EPB41L4A: variants seen among roughly 807,000 people sequenced by gnomAD.
EPB41L4A encodes the protein erythrocyte membrane protein band 4.1 like 4A.
Under a neutral mutation model 108.6 loss-of-function variants are expected in EPB41L4A, and 100 were observed. The observed-to-expected ratio is 0.92, with a 90% CI of 0.78 to 1.09. The LOEUF (loss-of-function observed/expected upper bound fraction) is 1.09. EPB41L4A is among the 50% of genes least tolerant of loss of function. The pLI, the probability that EPB41L4A is intolerant of heterozygous loss-of-function variation, is 0.00. For missense variants in EPB41L4A, 1,030 were observed against 842.7 expected, an observed-to-expected ratio of 1.22 and a Z score of -2.75; for synonymous variants, 319 against 289.0, an observed-to-expected ratio of 1.10 and a Z score of -1.05.
intron 3 of EPB41L4A, among the ~76,000 whole-genome samples, chr5:112,278,834 C>G (rs1183343696): frequency 2.0e-5 from 3 of 150,192 alleles, no homozygotes; most frequent in South Asian, 4.2e-4. Flanking sequence ...GTGGGTGGAT[C>G]ACCTGAGGTC....
At chr5:112,236,524 T>A (rs184430733) in intron 11 of EPB41L4A, among the ~76,000 whole-genome samples, 8 of 152,356 alleles carry the variant, frequency 5.3e-5, no homozygotes, top group Admixed American at 4.6e-4. Context: ...TTATATAGCA[T>A]CCTATTTCCT....
chr5:112,325,743 A>AC (rs1343565267), intron 1 of EPB41L4A, among the ~76,000 whole-genome samples: 1 of 152,178 alleles, frequency 6.6e-6, no homozygotes, highest in Non-Finnish European at 1.5e-5. Flanking sequence ...CCTACTTGCA[A>AC]CCTCGGCAGG....
intron 4 of EPB41L4A, among the ~76,000 whole-genome samples, chr5:112,273,544 G>C (rs968917044): frequency 1.3e-5 from 2 of 152,180 alleles, no homozygotes; most frequent in Admixed American, 6.5e-5. Context: ...AAAAAGGATA[G>C]AATGAAATAA....
At position 112,208,492 on chromosome 5, in the gene EPB41L4A, T is replaced by C. The variant is rs1054266682; in HGVS notation, c.1178+1400A>G. Among the ~76,000 whole-genome samples, 7 of 152,170 alleles carry C rather than the reference T, an allele frequency of 4.6e-5. No individual in the cohort carries two copies. The South Asian group carries it at 1.2e-3, about 27-fold the overall frequency. Reference sequence around the variant, plus strand: ...AACACAGAAACAGAAAACTAGATACTGCATGTTCTCACTTATAAGTGGGAA... The same window carrying C: ...AACACAGAAACAGAAAACTAGATACCGCATGTTCTCACTTATAAGTGGGAA... On this transcript the variant is annotated intron_variant, in intron 13 of 22. Transcript: ENST00000261486.
intron 1 of EPB41L4A, among the ~76,000 whole-genome samples, chr5:112,415,355 T>G (rs967258641): frequency 6.6e-6 from 1 of 152,238 alleles, no homozygotes; most frequent in South Asian, 2.1e-4. Context: ...GGTAATGGAA[T>G]TTTCATCTTA....
At chr5:112,396,343 T>C (rs563029916) in intron 1 of EPB41L4A, among the ~76,000 whole-genome samples, 1 of 152,368 alleles carries the variant, frequency 6.6e-6, no homozygotes, top group East Asian at 1.9e-4. Flanking sequence ...TCCAGATACA[T>C]ACTCAGTTTT....
chr5:112,263,517 A>T (rs1356581013), intron 6 of EPB41L4A: 9 of 152,348 alleles, frequency 5.9e-5, no homozygotes, highest in Non-Finnish European at 1.2e-4. Flanking sequence ...AAGCTCCTTG[A>T]TAATTTCAAT....
intron 13 of EPB41L4A, among the ~76,000 whole-genome samples, chr5:112,209,460 C>G (rs893857056): frequency 1.3e-5 from 2 of 152,200 alleles, no homozygotes; most frequent in South Asian, 4.1e-4. Flanking sequence ...TTCTGAGGAT[C>G]TGATGCCTCT....
intron 1 of EPB41L4A, among the ~76,000 whole-genome samples, chr5:112,307,942 G>A (rs1009812407): frequency 6.6e-6 from 1 of 152,074 alleles, no homozygotes; most frequent in Admixed American, 6.6e-5. Flanking sequence ...AATAGTCAAA[G>A]CTTTTATCTT....
At chr5:112,253,872 T>C (rs1191514365) in intron 9 of EPB41L4A, among the ~76,000 whole-genome samples, 4 of 152,332 alleles carry the variant, frequency 2.6e-5, no homozygotes, top group African/African-American at 9.6e-5. Flanking sequence ...TAAAAATCTA[T>C]ATTACCATGT....
intron 1 of EPB41L4A, among the ~76,000 whole-genome samples, chr5:112,328,465 T>C (rs1382816624): frequency 6.6e-6 from 1 of 152,204 alleles, no homozygotes; most frequent in Non-Finnish European, 1.5e-5. Context: ...TGGTTATATC[T>C]AAACTCATTT....
intron 6 of EPB41L4A, chr5:112,263,404 G>A (rs1402975113): frequency 6.6e-6 from 1 of 152,164 alleles, no homozygotes; most frequent in African/African-American, 2.4e-5. Context: ...CATGAAGAAT[G>A]TTCATCAAAT....
chr5:112,380,993 G>C (rs1760142468), intron 1 of EPB41L4A, among the ~76,000 whole-genome samples: 1 of 152,166 alleles, frequency 6.6e-6, no homozygotes, highest in South Asian at 2.1e-4. Flanking sequence ...CATGGGGCCA[G>C]ATGTGTTCCA....
At position 112,361,080 on chromosome 5, in the gene EPB41L4A, G is replaced by T. The variant is rs182928316; in HGVS notation, c.100-53590C>A. On this transcript the variant is annotated intron_variant, in intron 1 of 22. Coordinates refer to ENST00000261486, the MANE Select transcript of EPB41L4A (RefSeq NM_022140.5). ...GATGGCGGTTTTGTCAAATAGAAAG[G>T]GGGGAAGTGTGGGGAAAAGAAAGAG... 2.9e-3 allele frequency among the ~76,000 whole-genome samples: 440 copies of T among 149,190 alleles called. 3 individuals carry two copies. Among genetic ancestry groups the T allele is most frequent in the African/African-American group, 0.01 (394 of 39,324 alleles).
intron 1 of EPB41L4A, among the ~76,000 whole-genome samples, chr5:112,349,901 G>A (rs1018822132): frequency 1.3e-5 from 2 of 152,196 alleles, no homozygotes; most frequent in Non-Finnish European, 2.9e-5. Context: ...TGATGACATG[G>A]CCCAAAGTTA....
At chr5:112,287,664 A>G (rs986910110) in intron 2 of EPB41L4A, among the ~76,000 whole-genome samples, 2 of 152,056 alleles carry the variant, frequency 1.3e-5, no homozygotes, top group Non-Finnish European at 2.9e-5. Context: ...CACTCCCTCT[A>G]CTTTCCACTG....
rs1018340400 is a variant in EPB41L4A, at chr5:112,331,125, C to T, written c.100-23635G>A. On this transcript the variant is annotated intron_variant, in intron 1 of 22. Coordinates refer to ENST00000261486, the MANE Select transcript of EPB41L4A (RefSeq NM_022140.5). The stretch of plus-strand genomic sequence containing the variant: ...CAATCTCAGTTCCCACTTCTTAATA[C>T]TCACACAAATTTGGAAAAGTTTCTT... Among the ~76,000 whole-genome samples the T allele has an allele frequency of 3.3e-5, 5 of 152,190 alleles. No homozygotes were observed. The East Asian group carries it at 5.8e-4, about 18-fold the overall frequency.
chr5:112,200,867 G>T (rs1762184921), intron 15 of EPB41L4A, among the ~76,000 whole-genome samples: 1 of 152,210 alleles, frequency 6.6e-6, no homozygotes, highest in Non-Finnish European at 1.5e-5. Context: ...GACTCGGCCA[G>T]AATTTGATAG....
intron 1 of EPB41L4A, among the ~76,000 whole-genome samples, chr5:112,319,770 C>T (rs1446557812): frequency 6.6e-6 from 1 of 152,094 alleles, no homozygotes; most frequent in African/African-American, 2.4e-5. Flanking sequence ...GATTATTTTG[C>T]TCAAAGGACA....
Sources: gnomAD v4.1 joint callset for allele counts (sites outside exome capture counted in the v4.1 genomes callset) on GRCh38, gnomAD v4.1.1 for gene constraint, MANE v1.5 for transcripts, NCBI Gene and HGNC (gene_info 2026-07-23, HGNC 2026-07-21) for gene names.